LRRK1: variants seen among roughly 807,000 people sequenced by gnomAD.
LRRK1 encodes leucine-rich repeat serine/threonine-protein kinase 1.
Under a neutral mutation model 209.1 loss-of-function variants are expected in LRRK1, and 113 were observed. The ratio of observed to expected loss-of-function variants is 0.54; its 90% confidence interval spans 0.46 to 0.63. The LOEUF (loss-of-function observed/expected upper bound fraction) is 0.63. Among genes scored for constraint, LRRK1 ranks in the 30% least tolerant of loss-of-function variants. The pLI, the probability that LRRK1 is intolerant of heterozygous loss-of-function variation, is 0.00. For synonymous variants in LRRK1, 1,144 were observed against 1,099.7 expected, an observed-to-expected ratio of 1.04 and a Z score of -0.80; for missense variants, 2,284 against 2,632.2, an observed-to-expected ratio of 0.87 and a Z score of 2.89.
intron 4 of LRRK1, among the ~76,000 whole-genome samples, chr15:100,984,828 G>C (rs369562834): frequency 6.6e-6 from 1 of 152,044 alleles, no homozygotes; most frequent in Non-Finnish European, 1.5e-5. Flanking sequence ...GGCAGGCATC[G>C]CTACAGCTAT....
chr15:101,061,164 C>CTTAG lies in LRRK1; in HGVS notation c.4680-4_4680-3insGTTA, dbSNP rs2036152831. 1 of 1,608,776 alleles carries CTTAG rather than the reference C, an allele frequency of 6.2e-7. No homozygotes were observed. Among genetic ancestry groups the CTTAG allele is most frequent in the Non-Finnish European group, 8.5e-7 (1 of 1,175,466 alleles). On this transcript the variant is annotated splice_region_variant and splice_polypyrimidine_tract_variant and intron_variant, in intron 29 of 33. Transcript: ENST00000388948. ...GGCACTGACAGCACAGTTTCTGCCA[C>CTTAG]TTACAGGAACTACACGGTGGTGAAC...
chr15:101,010,414 T>C (rs780151505), intron 7 of LRRK1, 36 bp from the exon 8 acceptor site: 1 of 1,585,980 alleles, frequency 6.3e-7, no homozygotes, highest in Non-Finnish European at 8.5e-7. Flanking sequence ...TTTCCCTCTT[T>C]ATTCTGATGC....
At chr15:100,998,546 C>T (rs2032533921) in intron 6 of LRRK1, among the ~76,000 whole-genome samples, 2 of 149,336 alleles carry the variant, frequency 1.3e-5, no homozygotes, top group Admixed American at 1.4e-4. Context: ...AAAGCAGAAA[C>T]CTTGGCCAAT....
chr15:101,008,640 G>T (rs1396200216), intron 6 of LRRK1, among the ~76,000 whole-genome samples, 197 bp from the exon 7 acceptor site: 1 of 152,230 alleles, frequency 6.6e-6, no homozygotes, highest in East Asian at 1.9e-4. Flanking sequence ...CGCAGGTGCC[G>T]ATGGGAACAG....
chr15:101,030,951 T>TAAG (rs2034253012), intron 20 of LRRK1, among the ~76,000 whole-genome samples: 1 of 152,192 alleles, frequency 6.6e-6, no homozygotes, highest in Non-Finnish European at 1.5e-5. Flanking sequence ...GTGTCATTCT[T>TAAG]ACGCCTTTGC....
chr15:101,030,401 G>C (rs1480881609), intron 20 of LRRK1, among the ~76,000 whole-genome samples: 1 of 152,096 alleles, frequency 6.6e-6, no homozygotes, highest in Non-Finnish European at 1.5e-5. Context: ...GGTCCTCCTT[G>C]GTCCGCCAAA....
intron 10 of LRRK1, among the ~76,000 whole-genome samples, chr15:101,013,200 C>T (rs539429291): frequency 1.2e-4 from 18 of 152,152 alleles, no homozygotes; most frequent in Non-Finnish European, 2.5e-4. Context: ...TGGCACATGG[C>T]AGGGTCTCCA....
chr15:101,019,135 A>G (rs1047604099), intron 12 of LRRK1, among the ~76,000 whole-genome samples: 2 of 152,226 alleles, frequency 1.3e-5, no homozygotes, highest in Non-Finnish European at 1.5e-5. Context: ...CGTTTTCAAC[A>G]CTGGGCCAGG....
At chr15:100,937,532 T>C (rs1332500904) in intron 2 of LRRK1, among the ~76,000 whole-genome samples, 1 of 125,188 alleles carries the variant, frequency 8.0e-6, no homozygotes, top group Admixed American at 7.1e-5. Flanking sequence ...TATTTATTAT[T>C]TTATTTTATT....
At position 100,983,712 on chromosome 15, in the gene LRRK1, G is replaced by C; in HGVS notation, c.433+13G>C. The C allele has an allele frequency of 1.9e-6, 3 of 1,610,338 alleles. No homozygotes were observed. The highest frequency in any genetic ancestry group is 2.5e-6 in the Non-Finnish European group (3 of 1,177,546). ...GAGTCCTTACCAGGTAAATCACAGG[G>C]CATGAGCTCTTAACCGTGTCTCAGG... is the stretch of plus-strand genomic sequence containing the variant. On this transcript the variant is annotated intron_variant, in intron 4 of 33. Coordinates refer to ENST00000388948, the MANE Select transcript of LRRK1 (RefSeq NM_024652.6).
chr15:100,983,688 A>T lies in LRRK1; in HGVS notation c.422A>T (p.Glu141Val). The part of the protein sequence containing the change: ...GHTAVVQELL[E>V]SLPGPCSPQR... Reference sequence around the variant, plus strand: ...ACGGCAGTTGTGCAGGAATTGCTTGAGTCCTTACCAGGTAAATCACAGGGC... The same window carrying T: ...ACGGCAGTTGTGCAGGAATTGCTTGTGTCCTTACCAGGTAAATCACAGGGC... The change falls in exon 4 of 34, where the codon GAG (glutamate) becomes GTG (valine). Residue 141 changes from glutamate (E) to valine (V), a missense_variant. Glu to Val is a moderately radical substitution (Grantham distance 121, BLOSUM62 -2). Transcript: ENST00000388948. The T allele has an allele frequency of 6.2e-7, 1 of 1,607,742 alleles. No individual in the cohort carries two copies. Among genetic ancestry groups the T allele is most frequent in the Non-Finnish European group, 8.5e-7 (1 of 1,176,216 alleles).
At chr15:101,053,485 G>T in intron 26 of LRRK1, 65 bp downstream of exon 26, 2 of 1,400,558 alleles carry the variant, frequency 1.4e-6, no homozygotes, top group Non-Finnish European at 1.9e-6. Context: ...CTCCTGCCTG[G>T]CACGGGGGGT....
At chr15:101,016,768 C>T (rs922331607) in intron 12 of LRRK1, among the ~76,000 whole-genome samples, 1 of 152,190 alleles carries the variant, frequency 6.6e-6, no homozygotes, top group African/African-American at 2.4e-5. Flanking sequence ...GCTGTTAAGT[C>T]TCTACTGCCA....
Position 100,922,698 on chromosome 15 carries a change from G to C in LRRK1, c.-122-1813G>C, listed in dbSNP as rs560806436. 7.9e-4 allele frequency among the ~76,000 whole-genome samples: 120 copies of C among 152,272 alleles called. 1 individual carries two copies. The highest frequency in any genetic ancestry group is 2.9e-3 in the African/African-American group (120 of 41,550). On this transcript the variant is annotated intron_variant, in intron 1 of 33. Transcript: ENST00000388948. Reference sequence around the variant, plus strand: ...AAGTTGATTTTCCAAATCAGGTTTTGCTATTTATAAGGCTTTCATCATCCC... The same window carrying C: ...AAGTTGATTTTCCAAATCAGGTTTTCCTATTTATAAGGCTTTCATCATCCC...
chr15:100,968,717 TCCTC>T (rs1403548466), intron 2 of LRRK1, among the ~76,000 whole-genome samples: 1,367 of 14,800 alleles, frequency 0.092, 32 homozygotes, highest in African/African-American at 0.2. Flanking sequence ...CTTCCTTCCT[TCCTC>T]CCTTCCCTTC....
Position 101,024,712 on chromosome 15 carries a change from C to T in LRRK1, c.2068-91C>T. On this transcript the variant is annotated intron_variant, in intron 15 of 33. Transcript: ENST00000388948. This position sits in a 1 kb window ranked among gnomAD's most constrained non-coding sequence, Gnocchi z 4.6. ...GGTTGTTTTTTCAGACCCCCGAGTC[C>T]AGCCTCCAGAGTTATCCGTTGTCTC... 2 of 1,373,828 alleles carry T rather than the reference C, an allele frequency of 1.5e-6. No homozygotes were observed. Among genetic ancestry groups the T allele is most frequent in the East Asian group, 2.3e-5 (1 of 43,180 alleles). The allele number at this position is 1,373,828 out of a possible 1,614,324, so 85.1% of individuals were successfully genotyped here.
In LRRK1 at chr15:101,021,603, A is replaced by G. The variant is rs543299102; in HGVS notation, c.1740-242A>G. ...GGATGTACTTAGTAGCAGAGACAGG[A>G]AAGTTGGGGGAGGGGACTCAATTCT... On this transcript the variant is annotated intron_variant, in intron 13 of 33. Coordinates refer to ENST00000388948, the MANE Select transcript of LRRK1 (RefSeq NM_024652.6). 30 of 535,196 alleles carry G rather than the reference A, an allele frequency of 5.6e-5. No homozygotes were observed. In the East Asian group the frequency reaches 9.0e-4, roughly 16 times the overall value. 33.2% of individuals were successfully genotyped at this position (535,196 alleles called of 1,614,324 possible).
intron 6 of LRRK1, among the ~76,000 whole-genome samples, chr15:101,002,949 C>T (rs779165094): frequency 7.9e-5 from 12 of 152,180 alleles, no homozygotes; most frequent in Non-Finnish European, 1.2e-4. Flanking sequence ...CCAGGCTGAT[C>T]GTGAGCTCCT....
intron 2 of LRRK1, among the ~76,000 whole-genome samples, chr15:100,925,976 A>G (rs1212392589): frequency 2.0e-5 from 3 of 152,176 alleles, no homozygotes; most frequent in Non-Finnish European, 4.4e-5. Flanking sequence ...GTGTTAACTA[A>G]CGATCGGCCA....
Sources: gnomAD v4.1 joint callset for allele counts (sites outside exome capture counted in the v4.1 genomes callset) on GRCh38, gnomAD v4.1.1 for gene constraint, Gnocchi (gnomAD v3.1) non-coding constraint, MANE v1.5 for transcripts, NCBI Gene and HGNC (gene_info 2026-07-23, HGNC 2026-07-21) for gene names.